Variants in PDCD6IP observed in about 807,000 individuals in gnomAD.
The protein encoded by PDCD6IP is programmed cell death 6-interacting protein.
PDCD6IP carries 43 observed loss-of-function variants against 103.7 expected under a neutral mutation model. The ratio of observed to expected loss-of-function variants is 0.41; its 90% CI spans 0.32 to 0.53. PDCD6IP has a LOEUF of 0.53. PDCD6IP is among the 20% of genes least tolerant of loss of function. PDCD6IP has a pLI of 0.16. For missense variants in PDCD6IP, 871 were observed against 1,036.7 expected (o/e 0.84, Z 2.20); for synonymous variants, 354 against 378.7 (o/e 0.93, Z 0.76).
intron 3 of PDCD6IP, among the ~76,000 whole-genome samples, chr3:33,819,164 T>G (rs780944942): frequency 5.3e-5 from 8 of 152,090 alleles, no homozygotes; most frequent in Non-Finnish European, 1.0e-4. Flanking sequence ...TTCTTGACTT[T>G]CTGTTCTTTC....
chr3:33,811,846 G>C (rs544295281), intron 1 of PDCD6IP, among the ~76,000 whole-genome samples: 50 of 152,334 alleles, frequency 3.3e-4, no homozygotes, highest in Non-Finnish European at 5.6e-4. Context: ...GCCAATAACA[G>C]TTGATAAATA....
chr3:33,800,846 A>G (rs1215386529), intron 1 of PDCD6IP, among the ~76,000 whole-genome samples: 1 of 152,210 alleles, frequency 6.6e-6, no homozygotes, highest in African/African-American at 2.4e-5. Context: ...CACTTGGTGC[A>G]TGGGTTTTAA....
chr3:33,848,363 G>T (rs1229300920), intron 12 of PDCD6IP, among the ~76,000 whole-genome samples: 1 of 151,644 alleles, frequency 6.6e-6, no homozygotes, highest in East Asian at 1.9e-4. Flanking sequence ...AAATGACAAG[G>T]TTATAAAAGT....
rs146797887 is a variant in PDCD6IP, at chr3:33,866,351, G to A, written c.2433G>A (p.Gly811=). ...AGATTTTTCTGTTTTCTTCTATCAG[G>A]TATTGCCAAATGCCCATGCCCATGG... ...PPYPTYPGYP[G]YCQMPMPMGY... The change falls in exon 18 of 18, where the codon GGG becomes GGA. Residue 811 remains glycine, a splice_region_variant and synonymous_variant. Coordinates refer to ENST00000307296, the MANE Select transcript of PDCD6IP (RefSeq NM_013374.6). 1.4e-6 allele frequency: 2 copies of A among 1,466,814 alleles called. No individual in the cohort carries two copies. The highest frequency in any genetic ancestry group is 1.8e-6 in the Non-Finnish European group (2 of 1,094,376). The allele number at this position is 1,466,814 out of a possible 1,614,324, so 90.9% of individuals were successfully genotyped here.
intron 1 of PDCD6IP, among the ~76,000 whole-genome samples, chr3:33,802,241 TTTCCTGGCAACTG>T (rs1575894399): frequency 6.6e-6 from 1 of 152,152 alleles, no homozygotes; most frequent in East Asian, 1.9e-4. Context: ...CTTTAGGGTG[TTTCCTGGCAACTG>T]TTCCACAACA....
chr3:33,800,798 A>G, intron 1 of PDCD6IP, among the ~76,000 whole-genome samples: 1 of 152,162 alleles, frequency 6.6e-6, no homozygotes, highest in East Asian at 1.9e-4. Context: ...GAATATATCA[A>G]ATTTGGTTCC....
chr3:33,850,430 C>T (rs1052623149), intron 12 of PDCD6IP, among the ~76,000 whole-genome samples: 2 of 151,872 alleles, frequency 1.3e-5, no homozygotes, highest in African/African-American at 2.4e-5. Flanking sequence ...ATTCCTTTTC[C>T]CTCTACTTCT....
intron 12 of PDCD6IP, among the ~76,000 whole-genome samples, chr3:33,850,532 C>T (rs1697691096): frequency 6.6e-6 from 1 of 151,906 alleles, no homozygotes; most frequent in African/African-American, 2.4e-5. Flanking sequence ...CAAACAACCC[C>T]CACCCCAAAT....
chr3:33,809,158 A>T (rs1696662242), intron 1 of PDCD6IP, among the ~76,000 whole-genome samples: 1 of 152,112 alleles, frequency 6.6e-6, no homozygotes, highest in Admixed American at 6.6e-5. Flanking sequence ...TCTCCATGGC[A>T]CTTACCACTG....
At chr3:33,805,629 A>AG (rs1327077259) in intron 1 of PDCD6IP, among the ~76,000 whole-genome samples, 2 of 151,870 alleles carry the variant, frequency 1.3e-5, no homozygotes, top group Non-Finnish European at 2.9e-5. Context: ...TGTGTTGTCC[A>AG]GGCTGGTCTT....
At position 33,845,484 on chromosome 3, in the gene PDCD6IP, T is replaced by C; in HGVS notation, c.1537T>C (p.Tyr513His). The change falls in exon 12 of 18, where the codon TAC (tyrosine) becomes CAC (histidine). Residue 513 changes from tyrosine to histidine, a missense_variant. This residue lies in a region of PDCD6IP where 266 missense variants were observed against 390.5 expected (regional missense o/e 0.68). Transcript: ENST00000307296. ...GGCAGATGGACAAGTGAAAGAATGTTACCAGTCTCATCGTGACACCATCGT... is the reference window on the plus strand; with the variant it reads ...GGCAGATGGACAAGTGAAAGAATGTCACCAGTCTCATCGTGACACCATCGT... ...VQADGQVKEC[Y>H]QSHRDTIVLL... 1.2e-6 allele frequency: 2 copies of C among 1,613,954 alleles called. No individual in the cohort carries two copies. Among genetic ancestry groups the C allele is most frequent in the East Asian group, 4.5e-5 (2 of 44,880 alleles).
intron 1 of PDCD6IP, among the ~76,000 whole-genome samples, chr3:33,809,761 A>G (rs776459621): frequency 6.6e-6 from 1 of 152,150 alleles, no homozygotes; most frequent in East Asian, 1.9e-4. Flanking sequence ...ATCTCCTTCA[A>G]TCTGGACCAG....
intron 6 of PDCD6IP, chr3:33,827,169 AC>A: frequency 1.0e-6 from 1 of 983,502 alleles, no homozygotes; most frequent in South Asian, 4.7e-5. Flanking sequence ...TTCTGAAGTG[AC>A]AATTGTAAAG....
At chr3:33,809,153 A>G (rs1696662065) in intron 1 of PDCD6IP, among the ~76,000 whole-genome samples, 1 of 152,030 alleles carries the variant, frequency 6.6e-6, no homozygotes, top group African/African-American at 2.4e-5. Flanking sequence ...TTTATTCTCC[A>G]TGGCACTTAC....
chr3:33,846,661 G>T (rs1697599103), intron 12 of PDCD6IP, among the ~76,000 whole-genome samples: 1 of 152,114 alleles, frequency 6.6e-6, no homozygotes, highest in African/African-American at 2.4e-5. Flanking sequence ...TAGGATCGGA[G>T]AAGGGCTGAG....
At chr3:33,862,693 G>A (rs1360300635) in intron 15 of PDCD6IP, among the ~76,000 whole-genome samples, 1 of 152,136 alleles carries the variant, frequency 6.6e-6, no homozygotes, top group Admixed American at 6.5e-5. Context: ...CTAGAAATTT[G>A]CATAATGGTT....
chr3:33,816,420 A>T (rs1456926519), intron 3 of PDCD6IP, among the ~76,000 whole-genome samples: 1 of 149,990 alleles, frequency 6.7e-6, no homozygotes, highest in Non-Finnish European at 1.5e-5. Context: ...CAGGAGACTC[A>T]CTTGAACCTG....
At position 33,847,565 on chromosome 3, in the gene PDCD6IP, T is replaced by A. The variant is rs577656749; in HGVS notation, c.1641+1977T>A. Among the ~76,000 whole-genome samples the A allele has an allele frequency of 4.6e-5, 7 of 152,302 alleles. No individual in the cohort carries two copies. In the South Asian group the frequency reaches 1.4e-3, roughly 32 times the overall value. On this transcript the variant is annotated intron_variant, in intron 12 of 17. Coordinates refer to ENST00000307296, the MANE Select transcript of PDCD6IP (RefSeq NM_013374.6). The stretch of plus-strand genomic sequence containing the variant: ...AGAATTTTTATGATAAAAACTCAGT[T>A]TTTTGATTGCTGATTAGAGTGATGC...
intron 17 of PDCD6IP, 65 bp downstream of exon 17, chr3:33,865,495 T>A: frequency 7.4e-7 from 1 of 1,360,204 alleles, no homozygotes; most frequent in Non-Finnish European, 1.0e-6. Context: ...GCTAACCTGT[T>A]AAAAACAGGG....
Sources: allele counts gnomAD v4.1 joint callset (sites outside exome capture counted in the v4.1 genomes callset), GRCh38; gene constraint gnomAD v4.1.1; regional missense constraint gnomAD v4.1.1; transcripts MANE v1.5; gene names NCBI Gene and HGNC (gene_info 2026-07-23, HGNC 2026-07-21).